Variants in PCDH9 observed in about 807,000 individuals in gnomAD.
PCDH9 encodes protocadherin 9.
PCDH9 carries 24 observed loss-of-function variants against 70.6 expected under a neutral mutation model. That is an observed-to-expected ratio of 0.34 (90% CI 0.25 to 0.48). PCDH9 has a LOEUF of 0.48. Among genes scored for constraint, PCDH9 ranks in the 20% least tolerant of loss-of-function variants. The pLI is 0.99. For missense variants in PCDH9, 1,281 were observed against 1,503.6 expected, an observed-to-expected ratio of 0.85 and a Z score of 2.45; for synonymous variants, 562 against 558.5, an observed-to-expected ratio of 1.01 and a Z score of -0.09.
At chr13:67,157,020 T>C (rs2087831527) in intron 2 of PCDH9, among the ~76,000 whole-genome samples, 1 of 152,226 alleles carries the variant, frequency 6.6e-6, no homozygotes, top group Non-Finnish European at 1.5e-5. Flanking sequence ...ATCTGTTAAA[T>C]ACTTGTATTA....
intron 2 of PCDH9, among the ~76,000 whole-genome samples, chr13:67,123,312 C>G (rs1187007736): frequency 6.6e-6 from 1 of 152,160 alleles, no homozygotes; most frequent in Non-Finnish European, 1.5e-5. Context: ...ATGTAAACAC[C>G]TAGAGCTCCT....
chr13:67,045,962 T>C (rs528496460), intron 2 of PCDH9, among the ~76,000 whole-genome samples: 30 of 152,234 alleles, frequency 2.0e-4, no homozygotes, highest in Non-Finnish European at 3.7e-4. Flanking sequence ...AGCATTTTAA[T>C]AATGAGAAAT....
At chr13:66,562,946 C>CAT (rs146929208) in intron 4 of PCDH9, among the ~76,000 whole-genome samples, 141 of 151,226 alleles carry the variant, frequency 9.3e-4, no homozygotes, top group Admixed American at 2.4e-3. Context: ...GCTGCACATA[C>CAT]ATATATATAT....
intron 2 of PCDH9, among the ~76,000 whole-genome samples, chr13:67,044,913 T>C (rs1392558207): frequency 6.6e-6 from 1 of 152,176 alleles, no homozygotes; most frequent in Non-Finnish European, 1.5e-5. Flanking sequence ...TGTTGTGGAT[T>C]ATCTGGTGCA....
intron 3 of PCDH9, among the ~76,000 whole-genome samples, chr13:66,836,906 G>A (rs2081030757): frequency 6.6e-6 from 1 of 152,108 alleles, no homozygotes. Context: ...ACCTCATGTA[G>A]TTCTACCAGA....
intron 4 of PCDH9, among the ~76,000 whole-genome samples, chr13:66,611,653 A>G (rs1390179770): frequency 6.6e-6 from 1 of 152,184 alleles, no homozygotes; most frequent in South Asian, 2.1e-4. Flanking sequence ...ACACTAAAGG[A>G]ATACTTATCT....
At position 67,062,539 on chromosome 13, in the gene PCDH9, G is replaced by T. The variant is rs546511425; in HGVS notation, c.3037-158934C>A. ...TATTGTATATTGTTAACTCACATTT[G>T]CAGAGACTGATGTATATTGAAAAGG... On this transcript the variant is annotated intron_variant, in intron 2 of 4. Transcript: ENST00000377865. Among the ~76,000 whole-genome samples, 27 of 152,246 alleles carry T rather than the reference G, an allele frequency of 1.8e-4. No homozygotes were observed. In the South Asian group the frequency reaches 5.6e-3, roughly 32 times the overall value.
intron 3 of PCDH9, among the ~76,000 whole-genome samples, chr13:66,640,253 A>G (rs936033361): frequency 1.3e-5 from 2 of 152,218 alleles, no homozygotes; most frequent in Admixed American, 6.5e-5. Context: ...CCTCTTGTCA[A>G]TATTTATAAC....
At chr13:67,034,247 T>C (rs9529172) in intron 2 of PCDH9, among the ~76,000 whole-genome samples, 52,987 of 152,098 alleles carry the variant, frequency 0.35, 10,116 homozygotes, top group East Asian at 0.58. Context: ...CCTCCCAAAG[T>C]GCTGGGATTA....
chr13:66,339,449 C>T (rs1485706484), intron 4 of PCDH9, among the ~76,000 whole-genome samples: 1 of 151,972 alleles, frequency 6.6e-6, no homozygotes, highest in Non-Finnish European at 1.5e-5. Context: ...TTAGAGAGAA[C>T]CACATTCCTC....
Position 66,832,181 on chromosome 13 carries a change from T to G in PCDH9, c.3138+71323A>C, listed in dbSNP as rs535437502. On this transcript the variant is annotated intron_variant, in intron 3 of 4. Transcript: ENST00000377865. ...AAAATTCAATTCAAGATTAAAAAAT[T>G]AATGATTATAAATAAAAATTGCATA... is the stretch of plus-strand genomic sequence containing the variant. Among the ~76,000 whole-genome samples, 7 of 152,234 alleles carry G rather than the reference T, an allele frequency of 4.6e-5. No homozygotes were observed. The East Asian group carries it at 1.4e-3, about 29-fold the overall frequency.
chr13:67,019,179 G>A (rs2084623547), intron 2 of PCDH9, among the ~76,000 whole-genome samples: 1 of 143,794 alleles, frequency 7.0e-6, no homozygotes, highest in Non-Finnish European at 1.5e-5. Flanking sequence ...ACACCTTCAG[G>A]CAGTTGCTCT....
At chr13:66,874,012 C>G (rs1410829102) in intron 3 of PCDH9, among the ~76,000 whole-genome samples, 4 of 145,126 alleles carry the variant, frequency 2.8e-5, no homozygotes, top group African/African-American at 1.0e-4. Context: ...ACAGGCATGG[C>G]TCACTGAAGT....
intron 3 of PCDH9, among the ~76,000 whole-genome samples, chr13:66,797,969 G>C (rs1416916274): frequency 6.6e-6 from 1 of 151,636 alleles, no homozygotes; most frequent in Non-Finnish European, 1.5e-5. Flanking sequence ...GGGTGTGTGT[G>C]TGTGTGTGTG....
intron 2 of PCDH9, among the ~76,000 whole-genome samples, chr13:67,134,400 GCA>G (rs1378807849): frequency 6.6e-6 from 1 of 151,826 alleles, no homozygotes; most frequent in African/African-American, 2.4e-5. Context: ...GTTCTTTTTG[GCA>G]CTCTAATTCA....
chr13:66,970,559 C>G (rs2181881), intron 2 of PCDH9, among the ~76,000 whole-genome samples: 148,533 of 149,820 alleles, frequency 0.99, 73,639 homozygotes, highest in East Asian at 1. Flanking sequence ...AGGATTGCTT[C>G]AGCCCAGGAT....
chr13:66,865,063 C>T (rs2081549439), intron 3 of PCDH9, among the ~76,000 whole-genome samples: 1 of 152,134 alleles, frequency 6.6e-6, no homozygotes, highest in Non-Finnish European at 1.5e-5. Context: ...CAGTGTATAT[C>T]CCTAAAACAG....
At chr13:66,917,070 A>G (rs1015884864) in intron 2 of PCDH9, among the ~76,000 whole-genome samples, 8 of 151,530 alleles carry the variant, frequency 5.3e-5, no homozygotes, top group African/African-American at 1.9e-4. Context: ...CCTTATTTCA[A>G]TTGCCTACCT....
intron 4 of PCDH9, among the ~76,000 whole-genome samples, chr13:66,390,813 T>C (rs985781008): frequency 1.3e-5 from 2 of 151,582 alleles, no homozygotes; most frequent in South Asian, 2.1e-4. Flanking sequence ...TGCTAGGAAA[T>C]AGAATCTGTA....
Sources: gnomAD v4.1 joint callset for allele counts (sites outside exome capture counted in the v4.1 genomes callset) on GRCh38, gnomAD v4.1.1 for gene constraint, MANE v1.5 for transcripts, NCBI Gene and HGNC (gene_info 2026-07-23, HGNC 2026-07-21) for gene names.